EZR: variants seen among roughly 807,000 people sequenced by gnomAD.
EZR encodes ezrin.
Under a neutral mutation model 74.8 loss-of-function variants are expected in EZR, and 40 were observed. The ratio of observed to expected loss-of-function variants is 0.53; its 90% CI spans 0.42 to 0.70. The LOEUF (loss-of-function observed/expected upper bound fraction) is 0.70, where lower values mean the gene tolerates loss of function less well. Ranked by LOEUF, EZR falls within the 30% of genes least tolerant of loss-of-function variation. The pLI is 0.00. For missense variants in EZR, 678 were observed against 755.8 expected (o/e 0.90, Z 1.21); for synonymous variants, 341 against 283.3 (o/e 1.20, Z -2.05).
At chr6:158,784,814 C>T (rs1791526821) in intron 5 of EZR, 87 bp from the exon 6 acceptor site, 6 of 1,062,204 alleles carry the variant, frequency 5.6e-6, no homozygotes, top group Non-Finnish European at 7.2e-6. Context: ...CATTCAAACC[C>T]TTACTTTCCA....
chr6:158,789,410 A>C (rs1280853699), intron 2 of EZR, 39 bp from the exon 3 acceptor site: 1 of 1,566,174 alleles, frequency 6.4e-7, no homozygotes, highest in East Asian at 2.2e-5. Flanking sequence ...TTAACTGAGT[A>C]TTCTTTTCTT....
At chr6:158,801,537 C>T (rs1394404538) in intron 2 of EZR, among the ~76,000 whole-genome samples, 2 of 152,138 alleles carry the variant, frequency 1.3e-5, no homozygotes, top group African/African-American at 4.8e-5. Flanking sequence ...TTCAGTGCGC[C>T]ATTTTATCTG....
rs775200943 is a variant in EZR, at chr6:158,770,805, C to G, written c.1049G>C (p.Arg350Pro). Residue 350 changes from arginine to proline, a missense_variant, in exon 10 of 14, where the codon CGG (arginine) becomes CCG (proline). Arg to Pro is a moderately radical substitution (Grantham distance 103). This residue lies in a region of EZR where 342 missense variants were observed against 341.2 expected (regional missense o/e 1.00). Transcript: ENST00000367075. Reference sequence around the variant, plus strand: ...TGTCTTCTCCTCATAGTCCTGCAGCCGCAGCATCAACTCCTCCTTCTCGCG... The same window carrying G: ...TGTCTTCTCCTCATAGTCCTGCAGCGGCAGCATCAACTCCTCCTTCTCGCG... ...MMREKEELMLRLQDYEEKTKK... is the reference protein window; with the variant it reads ...MMREKEELMLPLQDYEEKTKK... 6.2e-7 allele frequency: 1 copy of G among 1,614,180 alleles called. No individual in the cohort carries two copies. The highest frequency in any genetic ancestry group is 8.5e-7 in the Non-Finnish European group (1 of 1,180,042).
intron 2 of EZR, among the ~76,000 whole-genome samples, chr6:158,797,915 GCTAT>G (rs1442225382): frequency 6.6e-6 from 1 of 152,184 alleles, no homozygotes; most frequent in Non-Finnish European, 1.5e-5. Context: ...AACTGACACT[GCTAT>G]CTAGTTTTGG....
At chr6:158,795,360 C>T (rs934422444) in intron 2 of EZR, among the ~76,000 whole-genome samples, 28 of 151,986 alleles carry the variant, frequency 1.8e-4, no homozygotes, top group Non-Finnish European at 3.5e-4. Flanking sequence ...GATCTCAAGG[C>T]GAGGAGTTTG....
intron 2 of EZR, among the ~76,000 whole-genome samples, chr6:158,811,875 C>CAAAAAAAAAAA (rs58499377): frequency 1.1e-3 from 160 of 140,746 alleles, no homozygotes; most frequent in African/African-American, 4.1e-3. Context: ...ACCCTGTTTC[C>CAAAAAAAAAAA]AAAAAAAAAA....
intron 2 of EZR, among the ~76,000 whole-genome samples, chr6:158,790,687 A>AAACAAAC (rs57771316): frequency 3.0e-5 from 4 of 134,196 alleles, no homozygotes; most frequent in Admixed American, 7.3e-5. Context: ...ACAAACAAAC[A>AAACAAAC]AAAAAAACCC....
At chr6:158,808,043 C>G (rs2128576152) in intron 2 of EZR, among the ~76,000 whole-genome samples, 1 of 152,302 alleles carries the variant, frequency 6.6e-6, no homozygotes, top group African/African-American at 2.4e-5. Flanking sequence ...ACCTGAAAAC[C>G]TGGCACAAAG....
Position 158,783,604 on chromosome 6 carries a change from T to G in EZR, c.614A>C (p.Tyr205Ser). 7 of 1,613,878 alleles carry G rather than the reference T, an allele frequency of 4.3e-6. No homozygotes were observed. The highest frequency in any genetic ancestry group is 5.1e-6 in the Non-Finnish European group (6 of 1,179,926). ...AQDLEMYGIN[Y>S]FEIKNKKGTD... ...TCCTTTCTTGTTTTTTATCTCGAAATAGTTGATTCCATACATTTCCAGGTC... is the reference window on the plus strand; with the variant it reads ...TCCTTTCTTGTTTTTTATCTCGAAAGAGTTGATTCCATACATTTCCAGGTC... The change falls in exon 7 of 14, where the codon TAT becomes TCT. Residue 205 changes from tyrosine to serine, a missense_variant. This residue lies in a region of EZR where 119 missense variants were observed against 182.3 expected (regional missense o/e 0.65). Coordinates refer to ENST00000367075, the MANE Select transcript of EZR (RefSeq NM_001111077.2).
chr6:158,779,569 T>C (rs2128568471), intron 7 of EZR, among the ~76,000 whole-genome samples: 1 of 152,284 alleles, frequency 6.6e-6, no homozygotes, highest in South Asian at 2.1e-4. Context: ...AAATAATATA[T>C]ATATTTTAAA....
chr6:158,769,006 G>T (rs540774398), intron 12 of EZR, among the ~76,000 whole-genome samples: 2 of 152,182 alleles, frequency 1.3e-5, no homozygotes, highest in African/African-American at 4.8e-5. Context: ...GTTCCTGACC[G>T]GGGGCTGTCA....
intron 2 of EZR, among the ~76,000 whole-genome samples, chr6:158,804,541 CTTAAG>C (rs1777287423): frequency 6.6e-6 from 1 of 152,174 alleles, no homozygotes; most frequent in African/African-American, 2.4e-5. Context: ...TACACAGAAA[CTTAAG>C]TTTAGTAACT....
intron 2 of EZR, among the ~76,000 whole-genome samples, chr6:158,807,089 G>A (rs1473826870): frequency 6.6e-6 from 1 of 152,092 alleles, no homozygotes; most frequent in African/African-American, 2.4e-5. Context: ...GAGGCGGGCG[G>A]ATCATGAGGT....
At chr6:158,771,760 C>T (rs1050568616) in intron 8 of EZR, among the ~76,000 whole-genome samples, 6 of 152,202 alleles carry the variant, frequency 3.9e-5, no homozygotes, top group Non-Finnish European at 7.3e-5. Flanking sequence ...AAGGTGAGAA[C>T]TCTCAGCCTT....
chr6:158,817,504 CCTT>C (rs1190796201), intron 2 of EZR, among the ~76,000 whole-genome samples: 1 of 152,224 alleles, frequency 6.6e-6, no homozygotes, highest in African/African-American at 2.4e-5. Flanking sequence ...CCATGGCTAA[CCTT>C]CTGTTAGAGA....
At chr6:158,788,541 G>A in intron 3 of EZR, 1 of 152,050 alleles carries the variant, frequency 6.6e-6, no homozygotes, top group East Asian at 1.9e-4. Context: ...CAACTATTCG[G>A]GGAGCTGATG....
At chr6:158,804,749 T>C (rs542514299) in intron 2 of EZR, among the ~76,000 whole-genome samples, 14 of 85,488 alleles carry the variant, frequency 1.6e-4, no homozygotes, top group South Asian at 3.2e-4. Flanking sequence ...GAAGAGTTTT[T>C]CCTTTCTTTT....
chr6:158,785,637 G>A, intron 4 of EZR, 54 bp from the exon 5 acceptor site: 1 of 1,597,248 alleles, frequency 6.3e-7, no homozygotes, highest in Non-Finnish European at 8.6e-7. Flanking sequence ...AAGGCCCACT[G>A]TCCCCAACAC....
At chr6:158,806,950 A>T (rs1256049131) in intron 2 of EZR, among the ~76,000 whole-genome samples, 1 of 152,254 alleles carries the variant, frequency 6.6e-6, no homozygotes, top group Non-Finnish European at 1.5e-5. Context: ...GTTTACAAAT[A>T]AAGTGATTCC....
Sources: gnomAD v4.1 joint callset for allele counts (sites outside exome capture counted in the v4.1 genomes callset) on GRCh38, gnomAD v4.1.1 for gene constraint, gnomAD v4.1.1 regional missense constraint, MANE v1.5 for transcripts, NCBI Gene and HGNC (gene_info 2026-07-23, HGNC 2026-07-21) for gene names.